THADA: variants seen among roughly 807,000 people sequenced by gnomAD.
THADA encodes the protein tRNA (32-2'-O)-methyltransferase regulator THADA.
A neutral mutation model predicts 219.8 loss-of-function variants in THADA; 213 were observed. That is an observed-to-expected ratio of 0.97 (90% CI 0.87 to 1.09). The LOEUF is 1.09. Ranked by LOEUF, THADA falls within the 50% of genes least tolerant of loss-of-function variation. The probability of loss-of-function intolerance (pLI) is 0.00; values close to 1 mark genes in which losing one functional copy is unlikely to be tolerated. For synonymous variants in THADA, 1,018 were observed against 828.9 expected, an observed-to-expected ratio of 1.23 and a Z score of -3.92; for missense variants, 2,956 against 2,311.3, an observed-to-expected ratio of 1.28 and a Z score of -5.72.
At chr2:43,436,182 G>A (rs145577797) in intron 26 of THADA, among the ~76,000 whole-genome samples, 29 of 152,246 alleles carry the variant, frequency 1.9e-4, no homozygotes, top group African/African-American at 7.0e-4. Flanking sequence ...AAAACGTCTG[G>A]TTGCAAGTAG....
intron 29 of THADA, chr2:43,370,062 C>T (rs1198894619): frequency 6.6e-6 from 1 of 152,188 alleles, no homozygotes; most frequent in Non-Finnish European, 1.5e-5. Flanking sequence ...GAAAACCTTA[C>T]TGATTAATCA....
chr2:43,320,347 G>A, intron 31 of THADA, 99 bp downstream of exon 31: 1 of 787,040 alleles, frequency 1.3e-6, no homozygotes, highest in East Asian at 2.5e-5. Flanking sequence ...TCTTACAAAA[G>A]TAGAAGGTGG....
At chr2:43,291,345 G>A (rs1315360320) in intron 34 of THADA, among the ~76,000 whole-genome samples, 1 of 151,070 alleles carries the variant, frequency 6.6e-6, no homozygotes, top group African/African-American at 2.4e-5. Context: ...CAGCTACTCA[G>A]GAGGCTGAGG....
chr2:43,530,758 T>C (rs1254424537), intron 21 of THADA, among the ~76,000 whole-genome samples: 1 of 152,154 alleles, frequency 6.6e-6, no homozygotes, highest in African/African-American at 2.4e-5. Flanking sequence ...TTATTCAAAC[T>C]CCCTTCGAAG....
intron 28 of THADA, among the ~76,000 whole-genome samples, chr2:43,413,336 C>A (rs1676530111): frequency 6.6e-6 from 1 of 152,088 alleles, no homozygotes; most frequent in Non-Finnish European, 1.5e-5. Flanking sequence ...CCACCCCCGC[C>A]CCATCACCAG....
chr2:43,500,984 T>A (rs760077236), intron 24 of THADA, among the ~76,000 whole-genome samples: 3 of 151,936 alleles, frequency 2.0e-5, no homozygotes, highest in Middle Eastern at 3.4e-3. Flanking sequence ...AAAAAAGACA[T>A]TAGAAATAAA....
chr2:43,575,534 G>A (rs1342664103), intron 10 of THADA, among the ~76,000 whole-genome samples: 1 of 152,006 alleles, frequency 6.6e-6, no homozygotes, highest in Non-Finnish European at 1.5e-5. Context: ...GATTACACAA[G>A]TTATTTATTT....
chr2:43,532,295 C>G (rs1693983564), intron 21 of THADA, among the ~76,000 whole-genome samples: 1 of 151,370 alleles, frequency 6.6e-6, no homozygotes, highest in African/African-American at 2.4e-5. Context: ...CGCCTGTAGT[C>G]CCAGCTACTT....
At chr2:43,335,091 C>A (rs6715072) in intron 30 of THADA, among the ~76,000 whole-genome samples, 1 of 151,996 alleles carries the variant, frequency 6.6e-6, no homozygotes, top group Admixed American at 6.5e-5. Flanking sequence ...GGTACGTACT[C>A]TGTCCCCTGG....
chr2:43,292,948 G>A lies in THADA; in HGVS notation c.4704C>T (p.Phe1568=), dbSNP rs1005057305. ...SLTLEALLEK[F]LAAASGLGEK... Reference sequence around the variant, plus strand: ...CTCCAAGTCCAGAGGCTGCTGCTAAGAACTTTTCCAAGAGGGCTTCCAGTG... The same window carrying A: ...CTCCAAGTCCAGAGGCTGCTGCTAAAAACTTTTCCAAGAGGGCTTCCAGTG... The change falls in exon 32 of 38, where the codon TTC becomes TTT. Residue 1568 remains phenylalanine, a synonymous_variant. Transcript: ENST00000405975. The A allele has an allele frequency of 2.5e-6, 4 of 1,613,920 alleles. No homozygotes were observed. The African/African-American group carries it at 5.3e-5, about 22-fold the overall frequency.
intron 24 of THADA, among the ~76,000 whole-genome samples, chr2:43,501,597 A>T (rs1388632452): frequency 2.6e-5 from 4 of 152,178 alleles, no homozygotes; most frequent in Non-Finnish European, 5.9e-5. Context: ...ACAAAAAAAG[A>T]GAGATTCACC....
intron 23 of THADA, among the ~76,000 whole-genome samples, chr2:43,506,035 T>C (rs761663890): frequency 1.3e-5 from 2 of 152,160 alleles, no homozygotes; most frequent in African/African-American, 4.8e-5. Context: ...GACAACTCCT[T>C]AAGAATCCTA....
At chr2:43,560,437 G>A (rs4337518) in intron 15 of THADA, 52 bp from the exon 16 acceptor site, 425,212 of 1,347,090 alleles carry the variant, frequency 0.32, 68,664 homozygotes, top group African/African-American at 0.44. Context: ...AAAGAAATCA[G>A]TCTTCTGAAG....
At chr2:43,555,324 A>C (rs1323439885) in intron 17 of THADA, among the ~76,000 whole-genome samples, 2 of 151,580 alleles carry the variant, frequency 1.3e-5, no homozygotes, top group Non-Finnish European at 2.9e-5. Flanking sequence ...TGTATGACTT[A>C]AGGTAAGTGT....
intron 10 of THADA, among the ~76,000 whole-genome samples, chr2:43,575,316 GACAC>G (rs1374061262): frequency 6.6e-6 from 1 of 152,162 alleles, no homozygotes; most frequent in Non-Finnish European, 1.5e-5. Flanking sequence ...TGGGTGTGGT[GACAC>G]ACACCTACAG....
At chr2:43,420,010 C>T (rs1416646786) in intron 28 of THADA, among the ~76,000 whole-genome samples, 1 of 152,196 alleles carries the variant, frequency 6.6e-6, no homozygotes, top group Non-Finnish European at 1.5e-5. Flanking sequence ...CTTTATGATG[C>T]CTTCCAAGTT....
intron 22 of THADA, among the ~76,000 whole-genome samples, chr2:43,513,628 G>T (rs75251210): frequency 0.1 from 15,491 of 152,132 alleles, 870 homozygotes; most frequent in Middle Eastern, 0.15. Flanking sequence ...CACTGTGAAG[G>T]GGGACACCCA....
At chr2:43,443,188 C>A (rs1310077264) in intron 26 of THADA, among the ~76,000 whole-genome samples, 2 of 152,156 alleles carry the variant, frequency 1.3e-5, no homozygotes, top group Non-Finnish European at 2.9e-5. Context: ...GTATAATGCC[C>A]AGTTTACAGC....
chr2:43,292,250 A>C, intron 32 of THADA, 28 bp from the exon 33 acceptor site: 1 of 1,394,840 alleles, frequency 7.2e-7, no homozygotes, highest in Non-Finnish European at 9.9e-7. Context: ...GCACACAAAA[A>C]AGAGAAATAA....
Sources: allele counts gnomAD v4.1 joint callset (sites outside exome capture counted in the v4.1 genomes callset), GRCh38; gene constraint gnomAD v4.1.1; transcripts MANE v1.5; gene names NCBI Gene and HGNC (gene_info 2026-07-23, HGNC 2026-07-21).